The following KLF17 variants were observed in gnomAD, a reference collection of about 807,000 sequenced individuals.
KLF17 encodes the protein KLF transcription factor 17.
KLF17 carries 31 observed loss-of-function variants against 34.2 expected under a neutral mutation model. The ratio of observed to expected loss-of-function variants is 0.91; its 90% CI spans 0.68 to 1.22. The LOEUF is 1.22. Among genes scored for constraint, KLF17 ranks in the 50% most tolerant of loss-of-function variants. The pLI is 0.00. For synonymous variants in KLF17, 179 were observed against 186.7 expected, an observed-to-expected ratio of 0.96 and a Z score of 0.34; for missense variants, 478 against 505.2, an observed-to-expected ratio of 0.95 and a Z score of 0.52.
the KLF17 span, among the ~76,000 whole-genome samples, chr1:44,089,977 C>A: frequency 1.3e-5 from 2 of 151,866 alleles, no homozygotes; most frequent in African/African-American, 4.8e-5. Flanking sequence ...GCCTGGCCAA[C>A]ATGGTGAAAA....
At chr1:44,096,314 T>C in the KLF17 span, among the ~76,000 whole-genome samples, 10 of 152,164 alleles carry the variant, frequency 6.6e-5, no homozygotes, top group African/African-American at 2.4e-4. Context: ...CTTCTTCAAA[T>C]TTGGATGCCC....
At chr1:44,098,114 T>C in the KLF17 span, among the ~76,000 whole-genome samples, 2 of 152,096 alleles carry the variant, frequency 1.3e-5, no homozygotes, top group African/African-American at 4.8e-5. Flanking sequence ...GGACCACAGG[T>C]ATGTGCCACC....
the KLF17 span, among the ~76,000 whole-genome samples, chr1:44,049,403 C>G: frequency 6.6e-6 from 1 of 152,304 alleles, no homozygotes; most frequent in East Asian, 1.9e-4. Flanking sequence ...TCTGCCCTCC[C>G]CAAGGTGACC....
intron 3 of KLF17, among the ~76,000 whole-genome samples, chr1:44,132,854 C>T (rs1342620244): frequency 6.6e-6 from 1 of 152,122 alleles, no homozygotes; most frequent in African/African-American, 2.4e-5. Flanking sequence ...AGTTTAGAAC[C>T]TCATATTTAG....
chr1:44,080,345 T>A, the KLF17 span, among the ~76,000 whole-genome samples: 2 of 151,614 alleles, frequency 1.3e-5, no homozygotes, highest in Non-Finnish European at 2.9e-5. Context: ...TTCACACCGT[T>A]CTCCAGCCTC....
the KLF17 span, among the ~76,000 whole-genome samples, chr1:44,090,272 C>T: frequency 2.5e-5 from 3 of 120,254 alleles, no homozygotes; most frequent in Non-Finnish European, 4.8e-5. Flanking sequence ...GAGTTCTAGA[C>T]CAGCCTGGGC....
At chr1:44,111,245 C>T in the KLF17 span, among the ~76,000 whole-genome samples, 82 of 152,028 alleles carry the variant, frequency 5.4e-4, no homozygotes, top group Admixed American at 5.3e-3. Context: ...ATCCACCTGC[C>T]TCGGTCTCCT....
chr1:44,109,035 A>G, the KLF17 span, among the ~76,000 whole-genome samples: 1 of 152,140 alleles, frequency 6.6e-6, no homozygotes, highest in African/African-American at 2.4e-5. Flanking sequence ...TTTGTGCCCA[A>G]AAGAAGGAGA....
At chr1:44,089,852 C>T in the KLF17 span, among the ~76,000 whole-genome samples, 4 of 152,008 alleles carry the variant, frequency 2.6e-5, no homozygotes, top group African/African-American at 9.7e-5. Context: ...GTTACAAAGG[C>T]AGGTTGAGTA....
chr1:44,083,904 G>C, the KLF17 span, among the ~76,000 whole-genome samples: 36 of 152,222 alleles, frequency 2.4e-4, 1 homozygote, highest in African/African-American at 8.7e-4. Flanking sequence ...TACAAGCCGG[G>C]ATCGTCCTCT....
chr1:44,101,502 A>G, the KLF17 span: 1 of 152,064 alleles, frequency 6.6e-6, no homozygotes, highest in Non-Finnish European at 1.5e-5. Flanking sequence ...AATGTCCTTT[A>G]ATTTGGGTTC....
At chr1:44,086,860 G>A in the KLF17 span, among the ~76,000 whole-genome samples, 2 of 152,206 alleles carry the variant, frequency 1.3e-5, no homozygotes, top group Non-Finnish European at 2.9e-5. Flanking sequence ...CATGTATAAA[G>A]AGGGAGGAAA....
chr1:44,087,249 CT>C, the KLF17 span, among the ~76,000 whole-genome samples: 2 of 151,938 alleles, frequency 1.3e-5, no homozygotes, highest in Non-Finnish European at 2.9e-5. Context: ...ATTTTGTCAT[CT>C]TTTTTGTTTG....
the KLF17 span, chr1:44,104,116 C>T: frequency 1.0e-6 from 1 of 1,004,940 alleles, no homozygotes; most frequent in African/African-American, 1.6e-5. Context: ...AAGTTGATCT[C>T]GTCAGTCAGC....
At chr1:44,065,653 C>T in the KLF17 span, among the ~76,000 whole-genome samples, 1 of 152,008 alleles carries the variant, frequency 6.6e-6, no homozygotes, top group Admixed American at 6.6e-5. Context: ...CAAGTGATCC[C>T]CTGCCTTGGC....
At chr1:44,044,672 C>T in the KLF17 span, 1 of 152,336 alleles carries the variant, frequency 6.6e-6, no homozygotes. Context: ...ACTGTGGACT[C>T]TGAAGCCAAC....
chr1:44,119,974 G>A (rs1285904410), intron 1 of KLF17, among the ~76,000 whole-genome samples: 1 of 152,246 alleles, frequency 6.6e-6, no homozygotes, highest in Non-Finnish European at 1.5e-5. Context: ...GCAGAAGTGA[G>A]AGTGGAGATG....
At chr1:44,106,294 C>T in the KLF17 span, among the ~76,000 whole-genome samples, 3 of 152,306 alleles carry the variant, frequency 2.0e-5, no homozygotes, top group East Asian at 5.8e-4. Flanking sequence ...TCCTCAGATT[C>T]TTTCCCAACC....
chr1:44,101,699 A>C, the KLF17 span: 1 of 152,196 alleles, frequency 6.6e-6, no homozygotes, highest in African/African-American at 2.4e-5. Flanking sequence ...TTGATATTTT[A>C]AGAAAATTGA....
Sources: gnomAD v4.1 joint callset for allele counts (sites outside exome capture counted in the v4.1 genomes callset) on GRCh38, gnomAD v4.1.1 for gene constraint, MANE v1.5 for transcripts, NCBI Gene and HGNC (gene_info 2026-07-23, HGNC 2026-07-21) for gene names.